Variants in DLGAP2 observed in about 807,000 individuals in gnomAD.
The protein encoded by DLGAP2 is DLG associated protein 2.
A neutral mutation model predicts 100.3 loss-of-function variants in DLGAP2; 26 were observed. The observed-to-expected ratio is 0.26, with a 90% CI of 0.19 to 0.36. DLGAP2 has a LOEUF of 0.36. DLGAP2 is among the 10% of genes least tolerant of loss of function. The pLI is 1.00. For synonymous variants in DLGAP2, 886 were observed against 630.1 expected (o/e 1.41, Z -6.08); for missense variants, 1,858 against 1,453.2 (o/e 1.28, Z -4.53).
intron 1 of DLGAP2, among the ~76,000 whole-genome samples, chr8:804,517 G>T (rs1017818680): frequency 6.6e-6 from 1 of 152,204 alleles, no homozygotes; most frequent in African/African-American, 2.4e-5. Flanking sequence ...GTGACGAGAT[G>T]CAGGGCTGAC....
At chr8:1,531,898 C>A (rs1801000768) in intron 4 of DLGAP2, among the ~76,000 whole-genome samples, 1 of 152,180 alleles carries the variant, frequency 6.6e-6, no homozygotes, top group South Asian at 2.1e-4. Context: ...ACACCCGTGA[C>A]ACAGCCTCAA....
intron 6 of DLGAP2, among the ~76,000 whole-genome samples, chr8:1,596,220 G>A (rs182358754): frequency 0.024 from 3,579 of 152,212 alleles, 161 homozygotes; most frequent in African/African-American, 0.083. Flanking sequence ...TTTTATGGCT[G>A]CATAGTATTC....
intron 4 of DLGAP2, among the ~76,000 whole-genome samples, chr8:1,539,519 AC>A (rs1324903083): frequency 6.6e-6 from 1 of 152,074 alleles, no homozygotes; most frequent in African/African-American, 2.4e-5. Context: ...CAGAAGCGCG[AC>A]GCAGAGTGGA....
chr8:1,488,001 C>G (rs868331115), intron 3 of DLGAP2, among the ~76,000 whole-genome samples: 1 of 149,440 alleles, frequency 6.7e-6, no homozygotes, highest in Admixed American at 6.9e-5. Context: ...TTGAAATGAT[C>G]GCTTTGAAAG....
intron 2 of DLGAP2, among the ~76,000 whole-genome samples, chr8:1,076,536 G>C (rs1265487574): frequency 1.3e-5 from 2 of 152,246 alleles, no homozygotes; most frequent in Non-Finnish European, 2.9e-5. Flanking sequence ...CCTCTGGGCT[G>C]TGATGCTCCG....
At chr8:1,526,226 G>A (rs1225063475) in intron 4 of DLGAP2, among the ~76,000 whole-genome samples, 3 of 151,576 alleles carry the variant, frequency 2.0e-5, no homozygotes, top group Non-Finnish European at 4.4e-5. Context: ...TCCCCAGGTG[G>A]ACGTTGCGGT....
At chr8:1,275,912 TATAA>T (rs1474406717) in intron 3 of DLGAP2, among the ~76,000 whole-genome samples, 7 of 112,064 alleles carry the variant, frequency 6.2e-5, no homozygotes, top group African/African-American at 7.1e-5. Flanking sequence ...ATATATAATA[TATAA>T]ATAAATATAT....
intron 2 of DLGAP2, among the ~76,000 whole-genome samples, chr8:1,094,380 C>T (rs1804297003): frequency 6.6e-6 from 1 of 152,222 alleles, no homozygotes; most frequent in African/African-American, 2.4e-5. Flanking sequence ...CGGTGAAGTG[C>T]AGAGATGGAG....
At chr8:1,682,190 G>T (rs538830676) in intron 12 of DLGAP2, among the ~76,000 whole-genome samples, 1 of 152,200 alleles carries the variant, frequency 6.6e-6, no homozygotes, top group Non-Finnish European at 1.5e-5. Flanking sequence ...GTGGTCCACA[G>T]AGTCCCTCAG....
chr8:796,311 T>C (rs1796035833), intron 1 of DLGAP2, among the ~76,000 whole-genome samples: 1 of 152,136 alleles, frequency 6.6e-6, no homozygotes, highest in Non-Finnish European at 1.5e-5. Context: ...GCTCTGAGCT[T>C]GTCATCTGGC....
chr8:1,357,221 A>G (rs1329006040), intron 3 of DLGAP2, among the ~76,000 whole-genome samples: 1 of 152,008 alleles, frequency 6.6e-6, no homozygotes, highest in African/African-American at 2.4e-5. Context: ...CTTGGTGCAG[A>G]CACTCACAGC....
chr8:1,231,058 A>G (rs886896743), intron 2 of DLGAP2, among the ~76,000 whole-genome samples: 2 of 152,252 alleles, frequency 1.3e-5, no homozygotes, highest in African/African-American at 2.4e-5. Flanking sequence ...AACTATCAAC[A>G]GAGTAAACAG....
At chr8:1,163,176 G>A (rs966576716) in intron 2 of DLGAP2, among the ~76,000 whole-genome samples, 4 of 152,248 alleles carry the variant, frequency 2.6e-5, no homozygotes, top group African/African-American at 9.6e-5. Context: ...ACTAGCGCCA[G>A]TACCGGAGGC....
intron 2 of DLGAP2, among the ~76,000 whole-genome samples, chr8:987,787 C>T (rs142503436): frequency 4.0e-4 from 61 of 152,226 alleles, no homozygotes; most frequent in African/African-American, 1.3e-3. Context: ...TTACTCACAC[C>T]GGGTGCTTCC....
intron 2 of DLGAP2, among the ~76,000 whole-genome samples, chr8:1,173,505 G>A (rs574200088): frequency 1.3e-5 from 2 of 152,340 alleles, no homozygotes; most frequent in South Asian, 4.1e-4. Flanking sequence ...ACAGAGGCAG[G>A]CAGGCCTCCT....
At chr8:1,553,308 C>T (rs903885726) in intron 5 of DLGAP2, among the ~76,000 whole-genome samples, 1 of 152,234 alleles carries the variant, frequency 6.6e-6, no homozygotes. Flanking sequence ...CCGGCCGCAA[C>T]CCTGGCCCTC....
intron 12 of DLGAP2, among the ~76,000 whole-genome samples, chr8:1,686,307 T>C (rs145674998): frequency 6.9e-4 from 105 of 152,264 alleles, no homozygotes; most frequent in African/African-American, 2.4e-3. Flanking sequence ...ATGGATGGAA[T>C]TGGAGGTTAT....
At chr8:1,419,425 G>A (rs4875847) in intron 3 of DLGAP2, among the ~76,000 whole-genome samples, 6,275 of 36,682 alleles carry the variant, frequency 0.17, 1,748 homozygotes, top group East Asian at 0.73. Flanking sequence ...GTGGGATACT[G>A]TGTTACACTC....
chr8:1,697,068 G>A (rs1799416409), intron 13 of DLGAP2, 79 bp from the exon 14 acceptor site: 1 of 1,382,228 alleles, frequency 7.2e-7, no homozygotes, highest in Non-Finnish European at 9.5e-7. Context: ...TGAAAGGCAT[G>A]CGTGGGGAGG....
Sources: gnomAD v4.1 joint callset for allele counts (sites outside exome capture counted in the v4.1 genomes callset) on GRCh38, gnomAD v4.1.1 for gene constraint, MANE v1.5 for transcripts, NCBI Gene and HGNC (gene_info 2026-07-23, HGNC 2026-07-21) for gene names.